The following ZNF793 variants were observed in gnomAD, a reference collection of about 807,000 sequenced individuals.
ZNF793 encodes the protein zinc finger protein 793.
ZNF793 carries 5 observed loss-of-function variants against 12.4 expected under a neutral mutation model. That is an observed-to-expected ratio of 0.40 (90% CI 0.21 to 0.84). The LOEUF is 0.84. ZNF793 is among the 40% of genes least tolerant of loss of function. ZNF793 has a pLI of 0.35. For synonymous variants in ZNF793, 162 were observed against 172.4 expected, an observed-to-expected ratio of 0.94 and a Z score of 0.47; for missense variants, 456 against 495.0, an observed-to-expected ratio of 0.92 and a Z score of 0.75.
At chr19:37,522,259 G>A (rs193259162) in intron 3 of ZNF793, among the ~76,000 whole-genome samples, 3 of 152,092 alleles carry the variant, frequency 2.0e-5, no homozygotes, top group East Asian at 3.9e-4. Context: ...GTGCAATGGC[G>A]CGATCTTGGC....
intron 5 of ZNF793, among the ~76,000 whole-genome samples, chr19:37,528,520 T>C (rs1428139004): frequency 1.3e-5 from 2 of 152,204 alleles, no homozygotes; most frequent in East Asian, 3.9e-4. Flanking sequence ...TCCAAGAGTA[T>C]AGAGATTACT....
rs896144169 is a variant in ZNF793 at position 37,537,618 on chromosome 19, T to C, written c.960T>C (p.Phe320=). 4.3e-6 allele frequency: 7 copies of C among 1,613,968 alleles called. 1 individual carries two copies. The highest frequency in any genetic ancestry group is 1.1e-5 in the South Asian group (1 of 91,076). The change falls in exon 8 of 8, where the codon TTT becomes TTC. Residue 320 remains phenylalanine (F), a synonymous_variant. Transcript: ENST00000627814. ...PFVCSECGKS[F]GEKSYLNVHR... is the part of the protein sequence containing the mutation. The stretch of plus-strand genomic sequence containing the variant: ...TCTGCAGTGAATGCGGGAAATCGTT[T>C]GGTGAGAAGTCATACCTCAATGTAC...
intron 6 of ZNF793, 98 bp downstream of exon 6, chr19:37,532,580 G>A (rs1388021885): frequency 2.9e-6 from 4 of 1,388,830 alleles, no homozygotes; most frequent in Admixed American, 5.1e-5. Context: ...GGAGGCCAAG[G>A]CAGGTGGATC....
In ZNF793 at chr19:37,541,927, C is replaced by G. The variant is rs1271255998; in HGVS notation, c.*4048C>G. On this transcript the variant is annotated 3_prime_UTR_variant, in exon 8 of 8. Coordinates refer to ENST00000627814, the MANE Select transcript of ZNF793 (RefSeq NM_001013659.3). ...AGAGCAAATCTAAGTGGCCAATGGA[C>G]CTGTCCAAAAATGTTTATCCTCAGT... is the stretch of plus-strand genomic sequence containing the variant. 1 of 152,178 alleles carries G rather than the reference C, an allele frequency of 6.6e-6. No homozygotes were observed. The highest frequency in any genetic ancestry group is 1.5e-5 in the Non-Finnish European group (1 of 68,062). 9.4% of individuals were successfully genotyped at this position (152,178 alleles called of 1,614,324 possible). A position where few individuals can be genotyped will look rare whatever the true frequency, so the allele number is the denominator to read the frequency against.
Position 37,523,397 on chromosome 19 carries a change from C to T in ZNF793, c.-30-13C>T, listed in dbSNP as rs142159045. The T allele has an allele frequency of 7.5e-6, 12 of 1,606,024 alleles. No homozygotes were observed. Among genetic ancestry groups the T allele is most frequent in the Middle Eastern group, 1.6e-4 (1 of 6,068 alleles). On this transcript the variant is annotated splice_polypyrimidine_tract_variant and intron_variant, in intron 4 of 7. Transcript: ENST00000627814. ...CTCTCTTTCTCCATCTTCTTCCCCC[C>T]ACATGTCTACAGGTGTCAGATCTTT...
intron 5 of ZNF793, among the ~76,000 whole-genome samples, chr19:37,527,408 C>T (rs566594331): frequency 6.6e-6 from 1 of 152,146 alleles, no homozygotes; most frequent in Non-Finnish European, 1.5e-5. Context: ...TATGATTTTT[C>T]TTCTTAAATA....
chr19:37,530,889 TTTC>T (rs1434942993), intron 5 of ZNF793, among the ~76,000 whole-genome samples: 1 of 152,242 alleles, frequency 6.6e-6, no homozygotes, highest in African/African-American at 2.4e-5. Context: ...TGTTCCTCTA[TTTC>T]TTCTTTCCTC....
At chr19:37,515,371 A>G (rs1408182095) in intron 2 of ZNF793, among the ~76,000 whole-genome samples, 1 of 151,212 alleles carries the variant, frequency 6.6e-6, no homozygotes, top group African/African-American at 2.4e-5. Flanking sequence ...GCAGTGGCGC[A>G]ATCTCAGCTC....
At chr19:37,510,995 C>G (rs2042290698) in intron 2 of ZNF793, among the ~76,000 whole-genome samples, 1 of 151,928 alleles carries the variant, frequency 6.6e-6, no homozygotes, top group African/African-American at 2.4e-5. Flanking sequence ...CCACACCCGG[C>G]CAAAAAATTC....
chr19:37,528,311 C>T (rs2042432292), intron 5 of ZNF793, among the ~76,000 whole-genome samples: 1 of 152,072 alleles, frequency 6.6e-6, no homozygotes, highest in South Asian at 2.1e-4. Context: ...GGAAAGTGCA[C>T]CTAGGCCCTG....
At chr19:37,529,172 TTTGTGGGTACTAGTAG>T (rs1188566776) in intron 5 of ZNF793, among the ~76,000 whole-genome samples, 7 of 152,186 alleles carry the variant, frequency 4.6e-5, no homozygotes, top group African/African-American at 1.7e-4. Flanking sequence ...TTAAAAAATG[TTTGTGGGTACTAGTAG>T]GTGTGTGTAT....
At chr19:37,521,687 C>A (rs1296439686) in intron 3 of ZNF793, among the ~76,000 whole-genome samples, 4 of 151,884 alleles carry the variant, frequency 2.6e-5, no homozygotes, top group Non-Finnish European at 5.9e-5. Context: ...AGGTGATACA[C>A]CTGCCTTGGC....
At chr19:37,512,701 A>G (rs1000682485) in intron 2 of ZNF793, among the ~76,000 whole-genome samples, 5 of 152,140 alleles carry the variant, frequency 3.3e-5, no homozygotes, top group African/African-American at 1.2e-4. Flanking sequence ...TACATTTTGT[A>G]TGTGATCACA....
Position 37,538,061 on chromosome 19 carries a change from A to G in ZNF793, c.*182A>G, listed in dbSNP as rs376366048. 2,999 of 634,976 alleles carry G rather than the reference A, an allele frequency of 4.7e-3. 66 individuals carry two copies. Among genetic ancestry groups the G allele is most frequent in the Admixed American group, 0.043 (1,250 of 29,288 alleles). The allele number at this position is 634,976 out of a possible 1,614,324, so 39.3% of individuals were successfully genotyped here. A position where few individuals can be genotyped will look rare whatever the true frequency, so the allele number is the denominator to read the frequency against. On this transcript the variant is annotated 3_prime_UTR_variant, in exon 8 of 8. Transcript: ENST00000627814. ...CGAGTAGCTGGGACTACAGGTGCCC[A>G]CCACCATGCCCGGCTAATTTTTTTT...
rs375572663 is a variant in ZNF793, at chr19:37,537,671, C to G, written c.1013C>G (p.Pro338Arg). ...CGAAAAATGCACACAGGAGAAAGAC[C>G]GTATCGTTGCAGAGAATGTGGAAAA... ...VHRKMHTGER[P>R]YRCRECGKSF... is the part of the protein sequence containing the mutation. Residue 338 changes from proline (P) to arginine (R), a missense_variant, in exon 8 of 8, where the codon CCG becomes CGG. By Grantham distance (103) the Pro-to-Arg change is moderately radical. Coordinates refer to ENST00000627814, the MANE Select transcript of ZNF793 (RefSeq NM_001013659.3). The G allele has an allele frequency of 6.2e-6, 10 of 1,613,438 alleles. No individual in the cohort carries two copies. The East Asian group carries it at 6.7e-5, about 11-fold the overall frequency.
rs1486709314 is a variant in ZNF793 at position 37,537,843 on chromosome 19, C to T, written c.1185C>T (p.Tyr395=). Residue 395 remains tyrosine, a synonymous_variant, in exon 8 of 8, where the codon TAC becomes TAT. Coordinates refer to ENST00000627814, the MANE Select transcript of ZNF793 (RefSeq NM_001013659.3). ...AAATTCATGCTCGGAAGAATGCCTACAGGAATGAAAACTTAATAATTGTGG... is the reference window on the plus strand; with the variant it reads ...AAATTCATGCTCGGAAGAATGCCTATAGGAATGAAAACTTAATAATTGTGG... ...HQKIHARKNA[Y]RNENLIIVGN... 2 of 1,608,030 alleles carry T rather than the reference C, an allele frequency of 1.2e-6. No individual in the cohort carries two copies. The highest frequency in any genetic ancestry group is 1.7e-6 in the Non-Finnish European group (2 of 1,176,352).
chr19:37,514,611 T>TAGATAGAC (rs908672263), intron 2 of ZNF793, among the ~76,000 whole-genome samples: 3 of 144,010 alleles, frequency 2.1e-5, no homozygotes, highest in Non-Finnish European at 3.0e-5. Context: ...GATAGATAGA[T>TAGATAGAC]AGACTCTTCC....
At chr19:37,534,569 G>T (rs1474897522) in intron 7 of ZNF793, 1 of 152,012 alleles carries the variant, frequency 6.6e-6, no homozygotes, top group Non-Finnish European at 1.5e-5. Flanking sequence ...CTTTGCTACC[G>T]TGTGGTCATT....
At chr19:37,516,052 G>C (rs2042329471) in intron 2 of ZNF793, among the ~76,000 whole-genome samples, 1 of 151,668 alleles carries the variant, frequency 6.6e-6, no homozygotes, top group Non-Finnish European at 1.5e-5. Flanking sequence ...CGACCTAAGA[G>C]GAAGAATAAG....
Sources: allele counts gnomAD v4.1 joint callset (sites outside exome capture counted in the v4.1 genomes callset), GRCh38; gene constraint gnomAD v4.1.1; transcripts MANE v1.5; gene names NCBI Gene and HGNC (gene_info 2026-07-23, HGNC 2026-07-21).